YLPM1: variants seen among roughly 807,000 people sequenced by gnomAD.
YLPM1 encodes the protein YLP motif containing 1.
YLPM1 carries 99 observed loss-of-function variants against 230.0 expected under a neutral mutation model. The observed-to-expected ratio is 0.43, with a 90% CI of 0.37 to 0.51. The LOEUF (loss-of-function observed/expected upper bound fraction) is 0.51. Among genes scored for constraint, YLPM1 ranks in the 20% least tolerant of loss-of-function variants. YLPM1 has a pLI of 0.00. For missense variants in YLPM1, 2,592 were observed against 2,707.7 expected (o/e 0.96, Z 0.95); for synonymous variants, 984 against 942.5 (o/e 1.04, Z -0.81).
chr14:74,782,273 C>T lies in YLPM1; in HGVS notation c.2230C>T (p.Leu744=), dbSNP rs1374931028. Reference sequence around the variant, plus strand: ...GGACATGCCAGTGAGATCAGGTGGCCTGCTTCCAGATCCTCCTAGAAGTAG... The same window carrying T: ...GGACATGCCAGTGAGATCAGGTGGCTTGCTTCCAGATCCTCCTAGAAGTAG... ...VKDMPVRSGG[L]LPDPPRSSYL... Residue 744 remains leucine (L), a synonymous_variant, in exon 4 of 21, where the codon CTG becomes TTG. Coordinates refer to ENST00000325680, the MANE Select transcript of YLPM1 (RefSeq NM_019589.3). 6.3e-7 allele frequency: 1 copy of T among 1,575,136 alleles called. No individual in the cohort carries two copies. Among genetic ancestry groups the T allele is most frequent in the Admixed American group, 1.8e-5 (1 of 55,506 alleles).
rs374661732 is a variant in YLPM1, at chr14:74,797,662, C to T, written c.2365C>T (p.Arg789Cys). 6.1e-5 allele frequency: 98 copies of T among 1,594,822 alleles called. No individual in the cohort carries two copies. The highest frequency in any genetic ancestry group is 1.6e-4 in the Admixed American group (9 of 56,552). ...RPKGPRFEGN[R>C]PDGPRPRYEG... ...CAAAGGGCCTCGTTTTGAAGGAAAT[C>T]GCCCCGATGGGCCAAGACCCAGATA... Residue 789 changes from arginine (R) to cysteine (C), a missense_variant, in exon 5 of 21, where the codon CGC (arginine) becomes TGC (cysteine). By Grantham distance (180) the Arg-to-Cys change is radical. Coordinates refer to ENST00000325680, the MANE Select transcript of YLPM1 (RefSeq NM_019589.3).
intron 10 of YLPM1, 22 bp downstream of exon 10, chr14:74,811,760 T>C (rs557163276): frequency 3.4e-6 from 5 of 1,470,812 alleles, no homozygotes; most frequent in Admixed American, 4.6e-5. Context: ...CCTTATTAAC[T>C]ACAAGGATGT....
intron 19 of YLPM1, among the ~76,000 whole-genome samples, chr14:74,834,134 A>G (rs1314057588): frequency 6.6e-6 from 1 of 151,328 alleles, no homozygotes; most frequent in African/African-American, 2.4e-5. Context: ...GGATTGCTTG[A>G]GTCCAGCAGT....
intron 1 of YLPM1, among the ~76,000 whole-genome samples, chr14:74,769,444 G>A (rs1214808976): frequency 2.0e-5 from 3 of 151,524 alleles, no homozygotes; most frequent in Non-Finnish European, 4.4e-5. Flanking sequence ...CTGCCACCAC[G>A]CTTGGCTAAT....
At position 74,781,444 on chromosome 14, in the gene YLPM1, T is replaced by G; in HGVS notation, c.1401T>G (p.His467Gln). Reference protein sequence around the residue: ...REFQLWEEQLHSYPHKDQLQE... With the variant: ...REFQLWEEQLQSYPHKDQLQE... ...TTCAGCTATGGGAGGAACAACTCCATTCCTATCCTCATAAAGATCAGCTTC... is the reference window on the plus strand; with the variant it reads ...TTCAGCTATGGGAGGAACAACTCCAGTCCTATCCTCATAAAGATCAGCTTC... The change falls in exon 4 of 21, where the codon CAT (histidine) becomes CAG (glutamine). Residue 467 changes from histidine (H) to glutamine (Q), a missense_variant. Physicochemically the swap from His to Gln is conservative, Grantham distance 24 (BLOSUM62 0). This residue lies in a region of YLPM1 where 1,862 missense variants were observed against 1,819.8 expected (regional missense o/e 1.02). Coordinates refer to ENST00000325680, the MANE Select transcript of YLPM1 (RefSeq NM_019589.3). 6.2e-7 allele frequency: 1 copy of G among 1,611,770 alleles called. No homozygotes were observed. The highest frequency in any genetic ancestry group is 8.5e-7 in the Non-Finnish European group (1 of 1,178,814).
intron 1 of YLPM1, among the ~76,000 whole-genome samples, chr14:74,769,636 G>T (rs1047438505): frequency 6.6e-6 from 1 of 151,184 alleles, no homozygotes; most frequent in African/African-American, 2.4e-5. Context: ...TCTTGGCCAG[G>T]CTGGTCTTGA....
Position 74,798,853 on chromosome 14 carries a change from G to C in YLPM1, c.3556G>C (p.Asp1186His), listed in dbSNP as rs771069457. The stretch of plus-strand genomic sequence containing the variant: ...GGAAAAAATGTATCCATATCACCGG[G>C]ATGAGCCTCCTAGGGCTCCATGGAA... ...GGEKMYPYHR[D>H]EPPRAPWNHG... Residue 1186 changes from aspartate (D) to histidine (H), a missense_variant, in exon 5 of 21, where the codon GAT (aspartate) becomes CAT (histidine). By Grantham distance (81) the Asp-to-His change is moderately conservative. Around this residue, in one of 4 missense-constraint regions of YLPM1, gnomAD observed 1,862 missense variants for 1,819.8 expected, o/e 1.02. Transcript: ENST00000325680. 1.2e-5 allele frequency: 19 copies of C among 1,613,772 alleles called. No homozygotes were observed. The highest frequency in any genetic ancestry group is 1.7e-5 in the Admixed American group (1 of 60,002).
intron 9 of YLPM1, among the ~76,000 whole-genome samples, chr14:74,810,842 CG>C (rs1201042102): frequency 1.3e-5 from 2 of 152,030 alleles, no homozygotes; most frequent in Non-Finnish European, 2.9e-5. Context: ...TGTATGGAGA[CG>C]GGGTCTCTCT....
At position 74,817,245 on chromosome 14, in the gene YLPM1, AT is replaced by A; in HGVS notation, c.5916del (p.His1973MetfsTer8). On this transcript the variant is annotated frameshift_variant, in exon 15 of 21. Transcript: ENST00000325680. LOFTEE classifies it high-confidence loss of function. The part of the protein sequence containing the change: ...ADNQTCGKRN[I>X]HGRKLKEINK... ...TAACCAGACTTGTGGCAAGAGAAAT[AT>A]TCATGGAAGAAAGCTTAAAGAAATA... The A allele has an allele frequency of 6.3e-7, 1 of 1,598,228 alleles. No homozygotes were observed. Among genetic ancestry groups the A allele is most frequent in the African/African-American group, 1.3e-5 (1 of 74,772 alleles).
At position 74,780,391 on chromosome 14, in the gene YLPM1, T is replaced by C. The variant is rs1188436075; in HGVS notation, c.1111-14T>C. ...TTATGACTTACATAAAGATGTGTCC[T>C]CTTTTATCTTTAGTCTGAGGACCCA... On this transcript the variant is annotated splice_polypyrimidine_tract_variant and intron_variant, in intron 2 of 20. Transcript: ENST00000325680. 6.3e-7 allele frequency: 1 copy of C among 1,599,138 alleles called. No homozygotes were observed. Among genetic ancestry groups the C allele is most frequent in the Non-Finnish European group, 8.5e-7 (1 of 1,172,650 alleles).
Position 74,775,176 on chromosome 14 carries a change from T to G in YLPM1, c.874-3271T>G, listed in dbSNP as rs993633433. On this transcript the variant is annotated intron_variant, in intron 1 of 20. Transcript: ENST00000325680. ...ATGGAATTTATTCTTCCCAATAGAT[T>G]GGAACAAGTTTCAGGTAATAGTAAT... Among the ~76,000 whole-genome samples, 4 of 152,194 alleles carry G rather than the reference T, an allele frequency of 2.6e-5. No individual in the cohort carries two copies. The South Asian group carries it at 8.3e-4, about 31-fold the overall frequency.
At chr14:74,767,973 A>G (rs986049153) in intron 1 of YLPM1, among the ~76,000 whole-genome samples, 3 of 152,036 alleles carry the variant, frequency 2.0e-5, no homozygotes, top group East Asian at 1.9e-4. Context: ...CTTTCTATCA[A>G]TCTTGCATCT....
At position 74,781,868 on chromosome 14, in the gene YLPM1, T is replaced by C; in HGVS notation, c.1825T>C (p.Ser609Pro). The C allele has an allele frequency of 2.5e-6, 4 of 1,610,882 alleles. No individual in the cohort carries two copies. Among genetic ancestry groups the C allele is most frequent in the Non-Finnish European group, 3.4e-6 (4 of 1,179,060 alleles). The stretch of plus-strand genomic sequence containing the variant: ...GCCACCACCAGTTCTTCCCCCACCA[T>C]CTCTCTCTTCAACAGCACCTCCACC... Reference protein sequence around the residue: ...AGPPPVLPPPSLSSTAPPPVM... With the variant: ...AGPPPVLPPPPLSSTAPPPVM... The change falls in exon 4 of 21, where the codon TCT (serine) becomes CCT (proline). Residue 609 changes from serine (S) to proline (P), a missense_variant. This residue lies in a region of YLPM1 where 1,862 missense variants were observed against 1,819.8 expected (regional missense o/e 1.02). Coordinates refer to ENST00000325680, the MANE Select transcript of YLPM1 (RefSeq NM_019589.3).
chr14:74,828,236 G>A (rs147598332), intron 18 of YLPM1, among the ~76,000 whole-genome samples: 1 of 152,270 alleles, frequency 6.6e-6, no homozygotes, highest in African/African-American at 2.4e-5. Flanking sequence ...ATTCAATGAA[G>A]TGTGGTTATG....
At chr14:74,806,131 T>A (rs1594832144) in intron 6 of YLPM1, among the ~76,000 whole-genome samples, 1 of 150,732 alleles carries the variant, frequency 6.6e-6, no homozygotes. Context: ...CCAAGGCAGG[T>A]GGATCACAAG....
chr14:74,806,846 T>C (rs568980887), intron 6 of YLPM1, among the ~76,000 whole-genome samples: 83 of 151,822 alleles, frequency 5.5e-4, no homozygotes, highest in African/African-American at 2.0e-3. Context: ...TAATATAATA[T>C]AGATATTAAC....
chr14:74,828,586 G>T (rs545162674), intron 18 of YLPM1, among the ~76,000 whole-genome samples: 1 of 152,236 alleles, frequency 6.6e-6, no homozygotes, highest in South Asian at 2.1e-4. Flanking sequence ...TGGTAAAATT[G>T]TCTGACTAGC....
At chr14:74,832,753 G>T (rs910125715) in intron 19 of YLPM1, among the ~76,000 whole-genome samples, 1 of 152,180 alleles carries the variant, frequency 6.6e-6, no homozygotes, top group African/African-American at 2.4e-5. Context: ...GATTACAGGC[G>T]TGAGCCACTG....
Position 74,809,596 on chromosome 14 carries a change from T to C in YLPM1, c.4738T>C (p.Tyr1580His), listed in dbSNP as rs755066042. Residue 1580 changes from tyrosine to histidine, a missense_variant, in exon 7 of 21, where the codon TAT becomes CAT. This residue lies in a region of YLPM1 where 403 missense variants were observed against 426.7 expected (regional missense o/e 0.94). Transcript: ENST00000325680. ...GGAACGATGGGATGAAGATTCTTTC[T>C]ATGGGCTCTGGGATACAAATGATGA... is the stretch of plus-strand genomic sequence containing the variant. Reference protein sequence around the residue: ...EQERWDEDSFYGLWDTNDEQG... With the variant: ...EQERWDEDSFHGLWDTNDEQG... The C allele has an allele frequency of 2.5e-6, 4 of 1,613,634 alleles. No individual in the cohort carries two copies. The highest frequency in any genetic ancestry group is 2.2e-5 in the South Asian group (2 of 91,000).
Sources: gnomAD v4.1 joint callset for allele counts (sites outside exome capture counted in the v4.1 genomes callset) on GRCh38, gnomAD v4.1.1 for gene constraint, gnomAD v4.1.1 regional missense constraint, MANE v1.5 for transcripts, NCBI Gene and HGNC (gene_info 2026-07-23, HGNC 2026-07-21) for gene names.